PHACTR4: variants seen among roughly 807,000 people sequenced by gnomAD.
The protein encoded by PHACTR4 is phosphatase and actin regulator 4.
PHACTR4 carries 51 observed loss-of-function variants against 72.7 expected under a neutral mutation model. The observed-to-expected ratio is 0.70, with a 90% CI of 0.56 to 0.89. PHACTR4 has a LOEUF of 0.89. PHACTR4 is among the 40% of genes least tolerant of loss of function. The pLI is 0.00. For synonymous variants in PHACTR4, 255 were observed against 302.5 expected, an observed-to-expected ratio of 0.84 and a Z score of 1.63; for missense variants, 731 against 861.8, an observed-to-expected ratio of 0.85 and a Z score of 1.90.
At chr1:28,377,431 G>A (rs1324736972) in intron 1 of PHACTR4, among the ~76,000 whole-genome samples, 1 of 150,836 alleles carries the variant, frequency 6.6e-6, no homozygotes, top group African/African-American at 2.4e-5. Context: ...GTAGAGATGG[G>A]GTTTCACCAT....
intron 2 of PHACTR4, among the ~76,000 whole-genome samples, chr1:28,454,125 G>A (rs1658187733): frequency 6.6e-6 from 1 of 152,020 alleles, no homozygotes; most frequent in Admixed American, 6.6e-5. Flanking sequence ...TCTGGAGACT[G>A]AGGCCAGAGG....
intron 6 of PHACTR4, among the ~76,000 whole-genome samples, chr1:28,472,157 G>A (rs1159117251): frequency 2.0e-5 from 3 of 151,058 alleles, no homozygotes; most frequent in Non-Finnish European, 4.4e-5. Flanking sequence ...AGCTTGCAGT[G>A]AGCCGAGATG....
intron 1 of PHACTR4, among the ~76,000 whole-genome samples, chr1:28,370,625 C>CAAAAAAAAAAAT (rs1651169759): frequency 2.2e-5 from 2 of 90,008 alleles, no homozygotes; most frequent in African/African-American, 1.2e-4. Flanking sequence ...AAAAAAAAAC[C>CAAAAAAAAAAAT]CTCCAGTGCT....
intron 12 of PHACTR4, 35 bp downstream of exon 12, chr1:28,491,822 T>G (rs753938202): frequency 5.0e-6 from 8 of 1,592,446 alleles, no homozygotes; most frequent in South Asian, 1.1e-5. Flanking sequence ...TTTTTTCTCT[T>G]TCTCTTTTTC....
chr1:28,461,874 A>T (rs1658833472), intron 4 of PHACTR4, among the ~76,000 whole-genome samples: 1 of 144,912 alleles, frequency 6.9e-6, no homozygotes. Flanking sequence ...TTTGTATGTG[A>T]CTAGTTATGA....
chr1:28,392,678 C>T (rs1205173827), intron 1 of PHACTR4, among the ~76,000 whole-genome samples: 1 of 152,010 alleles, frequency 6.6e-6, no homozygotes, highest in African/African-American at 2.4e-5. Context: ...CAGGTGTGAG[C>T]CACCACTCCC....
At chr1:28,375,207 G>A (rs1404042504) in intron 1 of PHACTR4, among the ~76,000 whole-genome samples, 2 of 152,140 alleles carry the variant, frequency 1.3e-5, no homozygotes, top group Non-Finnish European at 2.9e-5. Flanking sequence ...GCTGAGGCAT[G>A]AGACTTGCTT....
At chr1:28,471,938 G>C (rs991307963) in intron 6 of PHACTR4, among the ~76,000 whole-genome samples, 3 of 151,920 alleles carry the variant, frequency 2.0e-5, no homozygotes, top group African/African-American at 7.3e-5. Flanking sequence ...TAGGCCGGGC[G>C]CGGTGGCTCA....
intron 1 of PHACTR4, among the ~76,000 whole-genome samples, chr1:28,395,818 AT>A (rs754161784): frequency 0.026 from 1,951 of 75,000 alleles, 81 homozygotes; most frequent in Non-Finnish European, 0.037. Flanking sequence ...CGCCTGGCTA[AT>A]TTTTTTTTTT....
chr1:28,451,063 G>A (rs886262368), intron 2 of PHACTR4, among the ~76,000 whole-genome samples: 8 of 142,824 alleles, frequency 5.6e-5, no homozygotes, highest in Non-Finnish European at 9.0e-5. Flanking sequence ...CAAGTGACCC[G>A]CCCACCTCGG....
chr1:28,465,144 G>A (rs150430701), intron 4 of PHACTR4, among the ~76,000 whole-genome samples: 168 of 152,174 alleles, frequency 1.1e-3, no homozygotes, highest in African/African-American at 3.9e-3. Flanking sequence ...GAAGACGAGG[G>A]AAAGAAGATA....
intron 2 of PHACTR4, among the ~76,000 whole-genome samples, chr1:28,410,531 G>C (rs577081689): frequency 7.2e-5 from 11 of 152,034 alleles, no homozygotes; most frequent in African/African-American, 2.7e-4. Context: ...AAATTAAACT[G>C]AAATTAACCT....
At chr1:28,458,028 A>T (rs530156315) in intron 2 of PHACTR4, among the ~76,000 whole-genome samples, 4 of 149,878 alleles carry the variant, frequency 2.7e-5, no homozygotes, top group African/African-American at 9.9e-5. Flanking sequence ...TGAGGGGTTC[A>T]TGGCCTTTTA....
intron 2 of PHACTR4, among the ~76,000 whole-genome samples, chr1:28,431,582 C>G (rs1339327011): frequency 6.6e-6 from 1 of 151,938 alleles, no homozygotes; most frequent in East Asian, 2.0e-4. Context: ...AAAAGCTTAC[C>G]GTGATCTCAG....
chr1:28,483,529 C>T (rs1264213688), intron 9 of PHACTR4, among the ~76,000 whole-genome samples: 6 of 152,082 alleles, frequency 3.9e-5, no homozygotes, highest in Middle Eastern at 3.4e-3. Context: ...TGGCCGGACG[C>T]GGTGGCTCAC....
intron 9 of PHACTR4, among the ~76,000 whole-genome samples, chr1:28,483,540 G>A (rs915349041): frequency 2.6e-5 from 4 of 151,952 alleles, no homozygotes. Context: ...GGTGGCTCAC[G>A]CCTGTAATCT....
At chr1:28,413,189 A>G (rs781233479) in intron 2 of PHACTR4, among the ~76,000 whole-genome samples, 34 of 152,248 alleles carry the variant, frequency 2.2e-4, no homozygotes, top group Non-Finnish European at 3.2e-4. Flanking sequence ...GCAATCAAGT[A>G]TGTTCAAAGA....
At chr1:28,424,176 A>C in intron 2 of PHACTR4, among the ~76,000 whole-genome samples, 1 of 152,060 alleles carries the variant, frequency 6.6e-6, no homozygotes, top group African/African-American at 2.4e-5. Flanking sequence ...ATTTTTAAAA[A>C]TTATTAATTA....
intron 1 of PHACTR4, among the ~76,000 whole-genome samples, chr1:28,380,050 A>AT (rs1405487346): frequency 0.19 from 23,201 of 123,656 alleles, 2,492 homozygotes; most frequent in Non-Finnish European, 0.21. Context: ...TTTAAATGTA[A>AT]CTTTTTTTTT....
Sources: allele counts gnomAD v4.1 joint callset (sites outside exome capture counted in the v4.1 genomes callset), GRCh38; gene constraint gnomAD v4.1.1; transcripts MANE v1.5; gene names NCBI Gene and HGNC (gene_info 2026-07-23, HGNC 2026-07-21).